The following DIP2C variants were observed in gnomAD, a reference collection of about 807,000 sequenced individuals.
The protein encoded by DIP2C is disco-interacting protein 2 homolog C.
In DIP2C, 33 loss-of-function variants were observed where a neutral mutation model predicts 192.4. That is an observed-to-expected ratio of 0.17 (90% CI 0.13 to 0.23). The LOEUF (loss-of-function observed/expected upper bound fraction) is 0.23, where lower values mean the gene tolerates loss of function less well. DIP2C is among the 10% of genes least tolerant of loss of function. The pLI, the probability that DIP2C is intolerant of heterozygous loss-of-function variation, is 1.00. For missense variants in DIP2C, 1,537 were observed against 2,110.1 expected (o/e 0.73, Z 5.32); for synonymous variants, 979 against 864.1 (o/e 1.13, Z -2.33).
chr10:411,965 AATTAAAATACAACATATAGATG>A (rs1215540937), intron 8 of DIP2C, among the ~76,000 whole-genome samples: 4 of 152,266 alleles, frequency 2.6e-5, no homozygotes, highest in Non-Finnish European at 2.9e-5. Flanking sequence ...TAAAATGGAT[AATTAAAATACAACATATAGATG>A]ATTAAAATAC....
At chr10:568,366 G>A (rs914233366) in intron 1 of DIP2C, among the ~76,000 whole-genome samples, 1 of 152,188 alleles carries the variant, frequency 6.6e-6, no homozygotes, top group Non-Finnish European at 1.5e-5. Context: ...GTGAGACGCT[G>A]TTCAACAAGT....
intron 1 of DIP2C, among the ~76,000 whole-genome samples, chr10:606,653 A>G (rs1413900235): frequency 3.9e-5 from 6 of 152,230 alleles, no homozygotes; most frequent in Admixed American, 2.6e-4. Flanking sequence ...CACTGCTGTA[A>G]TTACGTGCTG....
chr10:309,044 G>A (rs535268946), intron 32 of DIP2C, among the ~76,000 whole-genome samples: 5 of 152,308 alleles, frequency 3.3e-5, no homozygotes, highest in East Asian at 1.9e-4. Flanking sequence ...GGCTGCTGAC[G>A]GCGATAAGGG....
rs183631695 is a variant in DIP2C, at chr10:372,564, C to G, written c.1992-2931G>C. Among the ~76,000 whole-genome samples the G allele has an allele frequency of 6.6e-5, 10 of 152,366 alleles. No individual in the cohort carries two copies. In the East Asian group the frequency reaches 1.9e-3, roughly 29 times the overall value. On this transcript the variant is annotated intron_variant, in intron 17 of 36. Transcript: ENST00000280886. The stretch of plus-strand genomic sequence containing the variant: ...TAACCTTCATTAATTTAACCTTCCA[C>G]TGTACATTTATTCATATTTGATAGA...
Position 399,359 on chromosome 10 carries a change from G to C in DIP2C, c.1150-140C>G, listed in dbSNP as rs529654697. On this transcript the variant is annotated intron_variant, in intron 9 of 36. Transcript: ENST00000280886. ...TGTAAAATGCATTTCAGTAAGCTGT[G>C]TTTTAATAAGCATCACACACCCGGC... The C allele has an allele frequency of 4.8e-6, 3 of 630,506 alleles. No homozygotes were observed. In the East Asian group the frequency reaches 8.3e-5, roughly 17 times the overall value. 39.1% of individuals were successfully genotyped at this position (630,506 alleles called of 1,614,324 possible).
At chr10:335,778 C>T (rs1054712417) in intron 29 of DIP2C, among the ~76,000 whole-genome samples, 1 of 152,222 alleles carries the variant, frequency 6.6e-6, no homozygotes, top group African/African-American at 2.4e-5. Context: ...ACTCTCTTTC[C>T]TTTAACTATT....
chr10:285,104 G>A (rs560570771), intron 34 of DIP2C, among the ~76,000 whole-genome samples: 19 of 142,270 alleles, frequency 1.3e-4, no homozygotes, highest in South Asian at 4.5e-4. Flanking sequence ...TTTTATCTCC[G>A]CAGTTCTGAT....
intron 1 of DIP2C, among the ~76,000 whole-genome samples, chr10:598,332 T>A (rs752963338): frequency 2.0e-5 from 3 of 152,180 alleles, no homozygotes; most frequent in Non-Finnish European, 4.4e-5. Context: ...ACATTTCCCA[T>A]CGCACCAAGA....
chr10:548,051 TAGG>T (rs1336959877), intron 1 of DIP2C, among the ~76,000 whole-genome samples: 1 of 152,186 alleles, frequency 6.6e-6, no homozygotes, highest in Non-Finnish European at 1.5e-5. Flanking sequence ...ATGCTTCATT[TAGG>T]AGGTGCTTGT....
At chr10:410,830 G>A (rs1965135880) in intron 8 of DIP2C, among the ~76,000 whole-genome samples, 1 of 152,176 alleles carries the variant, frequency 6.6e-6, no homozygotes, top group Admixed American at 6.5e-5. Context: ...AATATATTTG[G>A]TATTTTTATA....
At chr10:478,010 AGG>A (rs759586914) in intron 2 of DIP2C, among the ~76,000 whole-genome samples, 10 of 8,010 alleles carry the variant, frequency 1.2e-3, no homozygotes, top group African/African-American at 6.8e-3. Context: ...AGGAAAAAAG[AGG>A]GGAGGGGAGG....
chr10:351,008 C>T (rs1458390154), intron 24 of DIP2C, among the ~76,000 whole-genome samples: 6 of 151,628 alleles, frequency 4.0e-5, no homozygotes, highest in South Asian at 2.1e-4. Flanking sequence ...ATGGAGCGCG[C>T]GGCGGGCCTG....
At chr10:364,284 AG>A in intron 20 of DIP2C, 89 bp downstream of exon 20, 1 of 1,435,866 alleles carries the variant, frequency 7.0e-7, no homozygotes, top group South Asian at 1.3e-5. Flanking sequence ...AATACATTTA[AG>A]GAAACTGTGC....
At chr10:458,197 C>T (rs1969463711) in intron 3 of DIP2C, among the ~76,000 whole-genome samples, 1 of 152,208 alleles carries the variant, frequency 6.6e-6, no homozygotes, top group Admixed American at 6.5e-5. Flanking sequence ...TACTTGGCCG[C>T]ACTGTAGGCC....
chr10:573,813 G>GT (rs997018926), intron 1 of DIP2C, among the ~76,000 whole-genome samples: 34 of 151,912 alleles, frequency 2.2e-4, no homozygotes, highest in African/African-American at 6.8e-4. Context: ...CCATTAACAC[G>GT]TTTTACACAT....
chr10:655,525 G>A (rs1856232380), intron 1 of DIP2C, among the ~76,000 whole-genome samples: 1 of 152,104 alleles, frequency 6.6e-6, no homozygotes, highest in Admixed American at 6.5e-5. Flanking sequence ...TCTGTTCTGT[G>A]CTATGCGACT....
At position 274,991 on chromosome 10, in the gene DIP2C, TCCA is replaced by T. The variant is rs1392738683; in HGVS notation, c.*2331_*2333del. ...TTGCACAACCAAATTTCAATCTCAG[TCCA>T]CCAACTCTTTTGAGCCTAAACTCTA... On this transcript the variant is annotated 3_prime_UTR_variant, in exon 37 of 37. Transcript: ENST00000280886. 6 of 152,242 alleles carry T rather than the reference TCCA, an allele frequency of 3.9e-5. No individual in the cohort carries two copies. Among genetic ancestry groups the T allele is most frequent in the Non-Finnish European group, 7.3e-5 (5 of 68,044 alleles). The allele number at this position is 152,242 out of a possible 1,614,324, so 9.4% of individuals were successfully genotyped here.
At chr10:576,192 G>A (rs550374051) in intron 1 of DIP2C, among the ~76,000 whole-genome samples, 2 of 152,324 alleles carry the variant, frequency 1.3e-5, no homozygotes, top group Non-Finnish European at 1.5e-5. Flanking sequence ...ATTTATAAAT[G>A]GTATCAGTGG....
chr10:455,178 CCT>C (rs1384244521), intron 3 of DIP2C, among the ~76,000 whole-genome samples: 4 of 152,210 alleles, frequency 2.6e-5, no homozygotes, highest in Non-Finnish European at 5.9e-5. Context: ...AACCCCAGCT[CCT>C]CTGTGACCTT....
Sources: allele counts gnomAD v4.1 joint callset (sites outside exome capture counted in the v4.1 genomes callset), GRCh38; gene constraint gnomAD v4.1.1; transcripts MANE v1.5; gene names NCBI Gene and HGNC (gene_info 2026-07-23, HGNC 2026-07-21).